The following LDHC variants were observed in gnomAD, a reference collection of about 807,000 sequenced individuals.
LDHC encodes the protein lactate dehydrogenase C.
Under a neutral mutation model 30.2 loss-of-function variants are expected in LDHC, and 20 were observed. The ratio of observed to expected loss-of-function variants is 0.66; its 90% CI spans 0.47 to 0.96. The LOEUF is 0.96. Ranked by LOEUF, LDHC falls within the 40% of genes least tolerant of loss-of-function variation. LDHC has a pLI of 0.00. For synonymous variants in LDHC, 139 were observed against 132.7 expected (o/e 1.05, Z -0.32); for missense variants, 362 against 394.9 (o/e 0.92, Z 0.71).
intron 3 of LDHC, among the ~76,000 whole-genome samples, chr11:18,423,699 A>G (rs1191434140): frequency 1.3e-5 from 2 of 152,212 alleles, no homozygotes; most frequent in African/African-American, 2.4e-5. Context: ...CATAATCAAT[A>G]AAGAATACAA....
intron 2 of LDHC, 133 bp from the exon 3 acceptor site, chr11:18,415,051 A>C: frequency 1.9e-6 from 1 of 532,870 alleles, no homozygotes; most frequent in Non-Finnish European, 3.3e-6. Context: ...GCTCATTGAA[A>C]AACTATTTTT....
chr11:18,428,889 AAAAG>A (rs1239876496), intron 3 of LDHC, among the ~76,000 whole-genome samples: 8 of 151,922 alleles, frequency 5.3e-5, no homozygotes, highest in Non-Finnish European at 2.9e-5. Context: ...AAAAAAAAAA[AAAAG>A]AAGACCAGTA....
intron 4 of LDHC, among the ~76,000 whole-genome samples, chr11:18,433,548 A>G (rs1248797569): frequency 2.0e-5 from 3 of 152,090 alleles, no homozygotes; most frequent in African/African-American, 2.4e-5. Context: ...TCTTTCCTTC[A>G]TATATGATTC....
At chr11:18,428,911 G>A (rs1397924213) in intron 3 of LDHC, among the ~76,000 whole-genome samples, 1 of 151,264 alleles carries the variant, frequency 6.6e-6, no homozygotes, top group African/African-American at 2.4e-5. Flanking sequence ...GTATGAGTTA[G>A]TAAGTGCTTC....
intron 2 of LDHC, 146 bp downstream of exon 2, chr11:18,412,989 TCCTTCCTTC>T (rs1866924572): frequency 3.3e-6 from 1 of 303,356 alleles, no homozygotes; most frequent in African/African-American, 3.0e-5. Flanking sequence ...CTCCCTCCCT[TCCTTCCTTC>T]CTTCCTTCCT....
chr11:18,415,222 G>T lies in LDHC; in HGVS notation c.165G>T (p.Leu55Phe), dbSNP rs929417860. ...ADELALVDVA[L>F]DKLKGEMMDL... The stretch of plus-strand genomic sequence containing the variant: ...AACTTGCCCTTGTTGATGTTGCATT[G>T]GACAAACTGAAGGGAGAAATGATGG... The change falls in exon 3 of 8, where the codon TTG becomes TTT. Residue 55 changes from leucine (L) to phenylalanine (F), a missense_variant. Leu to Phe is a conservative substitution (Grantham distance 22). Coordinates refer to ENST00000541669, the MANE Select transcript of LDHC (RefSeq NM_017448.5). 3 of 1,610,224 alleles carry T rather than the reference G, an allele frequency of 1.9e-6. No individual in the cohort carries two copies. Among genetic ancestry groups the T allele is most frequent in the Non-Finnish European group, 2.5e-6 (3 of 1,177,238 alleles).
intron 3 of LDHC, among the ~76,000 whole-genome samples, chr11:18,415,696 TTA>T (rs1867006465): frequency 6.6e-6 from 1 of 151,830 alleles, no homozygotes; most frequent in Admixed American, 6.6e-5. Context: ...TTATTTTTAT[TTA>T]TTTATTTATT....
At position 18,430,499 on chromosome 11, in the gene LDHC, C is replaced by T. The variant is rs143898741; in HGVS notation, c.418+589C>T. Among the ~76,000 whole-genome samples, 191 of 152,080 alleles carry T rather than the reference C, an allele frequency of 1.3e-3. 1 individual carries two copies. The highest frequency in any genetic ancestry group is 4.5e-3 in the African/African-American group (185 of 41,500). Reference sequence around the variant, plus strand: ...ACCTCAGGCTCCCCAGTAGCTGGGACCACAGGCATGTCCCACCACACCCAG... The same window carrying T: ...ACCTCAGGCTCCCCAGTAGCTGGGATCACAGGCATGTCCCACCACACCCAG... On this transcript the variant is annotated intron_variant, in intron 4 of 7. Transcript: ENST00000541669.
intron 2 of LDHC, 104 bp downstream of exon 2, chr11:18,412,947 T>A: frequency 2.0e-6 from 2 of 988,032 alleles, no homozygotes; most frequent in Admixed American, 2.6e-5. Context: ...TGAAAGCAAT[T>A]ATGTATCCTT....
intron 3 of LDHC, among the ~76,000 whole-genome samples, chr11:18,420,246 T>G (rs1452971537): frequency 6.6e-6 from 1 of 152,008 alleles, no homozygotes. Context: ...ATAATCACAT[T>G]TGAAGAGATT....
intron 4 of LDHC, among the ~76,000 whole-genome samples, chr11:18,430,369 T>C (rs73438627): frequency 0.15 from 22,712 of 152,098 alleles, 1,876 homozygotes; most frequent in African/African-American, 0.21. Flanking sequence ...TGGGGTGTCA[T>C]TCAACCTCTG....
chr11:18,413,712 C>T (rs537463712), intron 2 of LDHC, among the ~76,000 whole-genome samples: 145 of 152,264 alleles, frequency 9.5e-4, no homozygotes, highest in Non-Finnish European at 1.6e-3. Context: ...CCGCCTGCCT[C>T]AGCCTCCCAA....
chr11:18,414,398 A>G (rs368845044), intron 2 of LDHC, among the ~76,000 whole-genome samples: 35 of 152,206 alleles, frequency 2.3e-4, no homozygotes, highest in African/African-American at 8.0e-4. Flanking sequence ...GAGAAATTCT[A>G]TTACCAGAAA....
At chr11:18,422,900 T>G (rs1848092320) in intron 3 of LDHC, among the ~76,000 whole-genome samples, 1 of 151,406 alleles carries the variant, frequency 6.6e-6, no homozygotes, top group African/African-American at 2.4e-5. Flanking sequence ...AAGGATGGCT[T>G]GAGCCTGGGA....
chr11:18,446,044 A>G (rs1848547772), intron 6 of LDHC, among the ~76,000 whole-genome samples, 166 bp from the exon 7 acceptor site: 1 of 152,236 alleles, frequency 6.6e-6, no homozygotes, highest in Non-Finnish European at 1.5e-5. Flanking sequence ...AGACCAGTAT[A>G]GAAAGTTTTG....
chr11:18,425,288 A>G (rs1276739109), intron 3 of LDHC, among the ~76,000 whole-genome samples: 2 of 152,150 alleles, frequency 1.3e-5, no homozygotes, highest in Admixed American at 6.6e-5. Flanking sequence ...GGGTTCAAGC[A>G]GTCCTCCCAC....
At position 18,451,231 on chromosome 11, in the gene LDHC, A is replaced by T; in HGVS notation, c.*104A>T. On this transcript the variant is annotated 3_prime_UTR_variant, in exon 8 of 8. Coordinates refer to ENST00000541669, the MANE Select transcript of LDHC (RefSeq NM_017448.5). Reference sequence around the variant, plus strand: ...ATTTGATCTTTAAAAAATAAAAACAAATTGGAGACCTGTGACATAACTCTA... The same window carrying T: ...ATTTGATCTTTAAAAAATAAAAACATATTGGAGACCTGTGACATAACTCTA... 1.4e-6 allele frequency: 1 copy of T among 717,706 alleles called. No homozygotes were observed. Among genetic ancestry groups the T allele is most frequent in the South Asian group, 2.5e-5 (1 of 39,664 alleles). 44.5% of individuals were successfully genotyped at this position (717,706 alleles called of 1,614,324 possible).
At chr11:18,413,171 T>C (rs143387254) in intron 2 of LDHC, among the ~76,000 whole-genome samples, 1 of 151,976 alleles carries the variant, frequency 6.6e-6, no homozygotes, top group Admixed American at 6.6e-5. Context: ...AACCTCCACC[T>C]CCCGGGATCA....
Position 18,415,430 on chromosome 11 carries a change from T to C in LDHC, c.244+129T>C, listed in dbSNP as rs2134044736. ...ATTGGGCCATATAATTTAATTTAGT[T>C]GATCAATTTTTTTTGTTTTTTGAGA... On this transcript the variant is annotated intron_variant, in intron 3 of 7. Coordinates refer to ENST00000541669, the MANE Select transcript of LDHC (RefSeq NM_017448.5). The C allele has an allele frequency of 5.2e-6, 3 of 573,786 alleles. No homozygotes were observed. The South Asian group carries it at 7.4e-5, about 14-fold the overall frequency. The allele number at this position is 573,786 out of a possible 1,614,324, so 35.5% of individuals were successfully genotyped here.
Sources: allele counts gnomAD v4.1 joint callset (sites outside exome capture counted in the v4.1 genomes callset), GRCh38; gene constraint gnomAD v4.1.1; transcripts MANE v1.5; gene names NCBI Gene and HGNC (gene_info 2026-07-23, HGNC 2026-07-21).